IGSF21: variants seen among roughly 807,000 people sequenced by gnomAD.
IGSF21 encodes immunoglobulin superfamily member 21.
A neutral mutation model predicts 46.8 loss-of-function variants in IGSF21; 28 were observed. That is an observed-to-expected ratio of 0.60 (90% confidence interval 0.44 to 0.82). The LOEUF is 0.82. Ranked by LOEUF, IGSF21 falls within the 40% of genes least tolerant of loss-of-function variation. IGSF21 has a pLI of 0.00. For synonymous variants in IGSF21, 284 were observed against 273.6 expected (o/e 1.04, Z -0.38); for missense variants, 624 against 665.5 (o/e 0.94, Z 0.69).
intron 1 of IGSF21, among the ~76,000 whole-genome samples, chr1:18,146,339 G>T (rs2086466640): frequency 6.6e-6 from 1 of 152,066 alleles, no homozygotes; most frequent in Non-Finnish European, 1.5e-5. Flanking sequence ...GTACCAAGAG[G>T]GGGATGGGTG....
chr1:18,359,374 GAAAGAAA>G (rs2086063602), intron 4 of IGSF21, among the ~76,000 whole-genome samples: 9 of 102,522 alleles, frequency 8.8e-5, no homozygotes, highest in African/African-American at 3.6e-4. Flanking sequence ...AAGAAAGAAA[GAAAGAAA>G]GAAAGGAAGG....
chr1:18,339,311 CA>C (rs1422300515), intron 4 of IGSF21, among the ~76,000 whole-genome samples: 1 of 152,148 alleles, frequency 6.6e-6, no homozygotes, highest in Non-Finnish European at 1.5e-5. Context: ...CCTTAACTCC[CA>C]AAGGAAATTT....
chr1:18,215,061 C>CAGAGCTCATG, intron 1 of IGSF21, among the ~76,000 whole-genome samples: 2 of 152,292 alleles, frequency 1.3e-5, no homozygotes, highest in South Asian at 4.2e-4. Flanking sequence ...TTTAAACCAT[C>CAGAGCTCATG]AGATCTCATG....
At chr1:18,157,392 T>A (rs1319329398) in intron 1 of IGSF21, among the ~76,000 whole-genome samples, 1 of 152,156 alleles carries the variant, frequency 6.6e-6, no homozygotes, top group Non-Finnish European at 1.5e-5. Context: ...GAGCTCAGGT[T>A]TACTGCTCCC....
intron 1 of IGSF21, among the ~76,000 whole-genome samples, chr1:18,199,803 C>T (rs1002700925): frequency 6.6e-6 from 1 of 152,102 alleles, no homozygotes; most frequent in Non-Finnish European, 1.5e-5. Flanking sequence ...AACAAATGGG[C>T]AAAGTTTTAT....
chr1:18,195,429 G>A (rs2086997535), intron 1 of IGSF21, among the ~76,000 whole-genome samples: 1 of 152,180 alleles, frequency 6.6e-6, no homozygotes. Flanking sequence ...GATCAGAACA[G>A]GCTTGGAGGG....
At chr1:18,275,271 A>G (rs940943238) in intron 2 of IGSF21, among the ~76,000 whole-genome samples, 3 of 152,052 alleles carry the variant, frequency 2.0e-5, no homozygotes, top group Non-Finnish European at 2.9e-5. Context: ...TCTGGGAGGC[A>G]GTCTTGACCC....
chr1:18,249,611 C>G (rs1288615902), intron 2 of IGSF21, among the ~76,000 whole-genome samples: 1 of 152,158 alleles, frequency 6.6e-6, no homozygotes, highest in Non-Finnish European at 1.5e-5. Context: ...CTGTTTTGCC[C>G]CCGTGGTGTC....
At chr1:18,272,279 C>T (rs57704395) in intron 2 of IGSF21, among the ~76,000 whole-genome samples, 33,776 of 138,156 alleles carry the variant, frequency 0.24, 3,972 homozygotes, top group African/African-American at 0.32. Flanking sequence ...TCCCACAACA[C>T]GTGAGAAGTA....
At chr1:18,168,964 G>A (rs975324775) in intron 1 of IGSF21, among the ~76,000 whole-genome samples, 4 of 152,226 alleles carry the variant, frequency 2.6e-5, no homozygotes, top group African/African-American at 9.6e-5. Flanking sequence ...TGTGTGTGGA[G>A]GCTTTGAAAT....
intron 1 of IGSF21, among the ~76,000 whole-genome samples, chr1:18,141,686 T>G (rs2086416227): frequency 1.3e-5 from 2 of 152,302 alleles, no homozygotes; most frequent in East Asian, 1.9e-4. Flanking sequence ...TTTCCTTATT[T>G]GTAAAGACGG....
intron 1 of IGSF21, among the ~76,000 whole-genome samples, chr1:18,135,489 C>T (rs2086360400): frequency 6.7e-6 from 1 of 149,624 alleles, no homozygotes; most frequent in Non-Finnish European, 1.5e-5. Context: ...TCAATTCCCA[C>T]CTATGAGTGA....
intron 1 of IGSF21, 129 bp from the exon 2 acceptor site, chr1:18,227,769 C>T (rs928718052): frequency 9.1e-5 from 62 of 684,284 alleles, no homozygotes; most frequent in African/African-American, 2.3e-4. Context: ...AACAGCGTCC[C>T]TCAAAGTTGT....
At chr1:18,342,341 G>C (rs1050633204) in intron 4 of IGSF21, among the ~76,000 whole-genome samples, 1 of 152,016 alleles carries the variant, frequency 6.6e-6, no homozygotes. Flanking sequence ...TGATCCTCCC[G>C]CCTCGGCCCC....
intron 1 of IGSF21, among the ~76,000 whole-genome samples, chr1:18,211,116 C>A (rs1299094282): frequency 6.6e-6 from 1 of 152,216 alleles, no homozygotes; most frequent in Non-Finnish European, 1.5e-5. Flanking sequence ...AAGTGATCCG[C>A]CCTCCTTGGC....
At chr1:18,327,881 C>A (rs561633250) in intron 3 of IGSF21, among the ~76,000 whole-genome samples, 1 of 152,196 alleles carries the variant, frequency 6.6e-6, no homozygotes, top group South Asian at 2.1e-4. Context: ...GTCAATTATA[C>A]CCCAATAAAG....
intron 2 of IGSF21, among the ~76,000 whole-genome samples, chr1:18,273,429 C>CCTTT (rs1395387000): frequency 7.4e-6 from 1 of 134,656 alleles, no homozygotes; most frequent in African/African-American, 3.0e-5. Context: ...CCTTTCCTTT[C>CCTTT]CTTTCTTTCT....
chr1:18,168,528 A>G (rs1010459732), intron 1 of IGSF21, among the ~76,000 whole-genome samples: 6 of 152,116 alleles, frequency 3.9e-5, no homozygotes, highest in Admixed American at 2.6e-4. Flanking sequence ...GAGCTGGACC[A>G]CTGAATCCCA....
chr1:18,319,402 G>T (rs1217606034), intron 3 of IGSF21, among the ~76,000 whole-genome samples: 2 of 152,220 alleles, frequency 1.3e-5, no homozygotes, highest in African/African-American at 2.4e-5. Flanking sequence ...GGGAAGTGTA[G>T]TCTCTATTTT....
Sources: gnomAD v4.1 joint callset for allele counts (sites outside exome capture counted in the v4.1 genomes callset) on GRCh38, gnomAD v4.1.1 for gene constraint, MANE v1.5 for transcripts, NCBI Gene and HGNC (gene_info 2026-07-23, HGNC 2026-07-21) for gene names.